Variants in RFC1 observed in about 807,000 individuals in gnomAD.
RFC1 encodes the protein A1 140 kDa subunit.
RFC1 carries 37 observed loss-of-function variants against 137.4 expected under a neutral mutation model. The observed-to-expected ratio is 0.27, with a 90% CI of 0.21 to 0.35. RFC1 has a LOEUF of 0.35. Ranked by LOEUF, RFC1 falls within the 10% of genes least tolerant of loss-of-function variation. The probability of loss-of-function intolerance (pLI) is 1.00; values close to 1 mark genes in which losing one functional copy is unlikely to be tolerated. For synonymous variants in RFC1, 429 were observed against 455.7 expected, an observed-to-expected ratio of 0.94 and a Z score of 0.75; for missense variants, 1,205 against 1,358.5, an observed-to-expected ratio of 0.89 and a Z score of 1.78.
chr4:39,366,121 C>T (rs1742014773), intron 1 of RFC1, 118 bp downstream of exon 1: 2 of 1,147,482 alleles, frequency 1.7e-6, no homozygotes, highest in Non-Finnish European at 1.2e-6. Context: ...CCTTTGCTAG[C>T]CTCCGGAACC....
At chr4:39,355,217 G>A (rs1443695431) in intron 1 of RFC1, among the ~76,000 whole-genome samples, 1 of 148,950 alleles carries the variant, frequency 6.7e-6, no homozygotes, top group Non-Finnish European at 1.5e-5. Flanking sequence ...GAGCCCAAGA[G>A]TTTAATACCA....
rs755074181 is a variant in RFC1 at position 39,312,886 on chromosome 4, C to T, written c.1249G>A (p.Val417Met). Residue 417 changes from valine (V) to methionine (M), a missense_variant, in exon 11 of 25, where the codon GTG (valine) becomes ATG (methionine). Val to Met is a conservative substitution (Grantham distance 21). Transcript: ENST00000349703. ...LEGLIFVITG[V>M]LESIERDEAK... ...TCATCTCGTTCAATAGACTCCAGCA[C>T]GCCTGTGATTACAAATATAAGGCCT... 15 of 1,613,948 alleles carry T rather than the reference C, an allele frequency of 9.3e-6. No individual in the cohort carries two copies. Among genetic ancestry groups the T allele is most frequent in the African/African-American group, 2.7e-5 (2 of 74,890 alleles).
rs780591988 is a variant in RFC1, at chr4:39,300,326, T to C, written c.2624A>G (p.His875Arg). The change falls in exon 20 of 25, where the codon CAT becomes CGT. Residue 875 changes from histidine (H) to arginine (R), a missense_variant. Around this residue, in one of 3 missense-constraint regions of RFC1, gnomAD observed 962 missense variants for 1,035.3 expected, o/e 0.93. Coordinates refer to ENST00000349703, the MANE Select transcript of RFC1 (RefSeq NM_002913.5). The part of the protein sequence containing the change: ...SLVDKSDLFF[H>R]DYSIAPLFVQ... The stretch of plus-strand genomic sequence containing the variant: ...GAAGAGGGGTGCTATTGAATAATCA[T>C]GAAAAAAGAGATCTGACTTGTCCAC... 5.0e-6 allele frequency: 8 copies of C among 1,613,980 alleles called. No homozygotes were observed. Among genetic ancestry groups the C allele is most frequent in the Admixed American group, 1.7e-5 (1 of 60,016 alleles).
chr4:39,346,126 G>T (rs912149637), intron 2 of RFC1, among the ~76,000 whole-genome samples: 1 of 152,194 alleles, frequency 6.6e-6, no homozygotes, highest in African/African-American at 2.4e-5. Context: ...TGAAACGACA[G>T]AAACAGGAAT....
chr4:39,350,699 G>C (rs1226128173), intron 2 of RFC1, among the ~76,000 whole-genome samples: 1 of 151,544 alleles, frequency 6.6e-6, no homozygotes, highest in Non-Finnish European at 1.5e-5. Flanking sequence ...ACTTATAGAG[G>C]TTTATCACCA....
chr4:39,356,702 A>C (rs943010024), intron 1 of RFC1, among the ~76,000 whole-genome samples: 3 of 152,320 alleles, frequency 2.0e-5, no homozygotes, highest in African/African-American at 7.2e-5. Context: ...TTGTGGCTAC[A>C]AAAAACAAAA....
chr4:39,365,520 AT>A, intron 1 of RFC1: 1 of 984,860 alleles, frequency 1.0e-6, no homozygotes, highest in Non-Finnish European at 1.2e-6. Context: ...TTGTTTGAAC[AT>A]TTTATCCAGA....
At chr4:39,305,122 T>TCATATA (rs1321509197) in intron 14 of RFC1, among the ~76,000 whole-genome samples, 194 bp from the exon 15 acceptor site, 2 of 152,210 alleles carry the variant, frequency 1.3e-5, no homozygotes, top group Admixed American at 1.3e-4. Flanking sequence ...TTTTAGAATA[T>TCATATA]CATATACATA....
intron 1 of RFC1, among the ~76,000 whole-genome samples, chr4:39,360,671 G>C (rs1160147627): frequency 6.6e-6 from 1 of 151,734 alleles, no homozygotes; most frequent in Non-Finnish European, 1.5e-5. Context: ...GGAAGCGGAG[G>C]TTGCAGTGAG....
chr4:39,356,383 G>C (rs1018552755), intron 1 of RFC1, among the ~76,000 whole-genome samples: 43 of 152,154 alleles, frequency 2.8e-4, no homozygotes, highest in Non-Finnish European at 5.3e-4. Context: ...TGGGGAAAAA[G>C]TGCAAAACTC....
intron 1 of RFC1, among the ~76,000 whole-genome samples, chr4:39,358,136 A>C (rs1741573994): frequency 6.6e-6 from 1 of 151,916 alleles, no homozygotes; most frequent in African/African-American, 2.4e-5. Flanking sequence ...ATAGCCAGGC[A>C]TGGTGGTGCA....
chr4:39,312,732 G>C lies in RFC1; in HGVS notation c.1383+20C>G. The stretch of plus-strand genomic sequence containing the variant: ...GGCAGGCAGGAGGTGTCATGGTGTT[G>C]AGAACAAAGCAGTACCCACCTTATC... On this transcript the variant is annotated intron_variant, in intron 11 of 24. Coordinates refer to ENST00000349703, the MANE Select transcript of RFC1 (RefSeq NM_002913.5). 1 of 1,602,824 alleles carries C rather than the reference G, an allele frequency of 6.2e-7. No individual in the cohort carries two copies. Among genetic ancestry groups the C allele is most frequent in the South Asian group, 1.1e-5 (1 of 89,174 alleles).
chr4:39,343,278 C>T (rs1375842494), intron 3 of RFC1, among the ~76,000 whole-genome samples: 6 of 152,210 alleles, frequency 3.9e-5, no homozygotes, highest in Admixed American at 2.0e-4. Flanking sequence ...CCACCTCAGC[C>T]TCCAAAAGTG....
intron 9 of RFC1, among the ~76,000 whole-genome samples, chr4:39,320,160 A>G (rs1178732799): frequency 2.0e-5 from 3 of 151,582 alleles, no homozygotes; most frequent in Non-Finnish European, 4.4e-5. Context: ...GACCAGCCTG[A>G]CCAACATGGA....
At position 39,287,714 on chromosome 4, in the gene RFC1, T is replaced by C. The variant is rs1737447659; in HGVS notation, c.*1047A>G. 6.6e-6 allele frequency: 1 copy of C among 152,188 alleles called. No homozygotes were observed. The highest frequency in any genetic ancestry group is 2.1e-4 in the South Asian group (1 of 4,814). The allele number at this position is 152,188 out of a possible 1,614,324, so 9.4% of individuals were successfully genotyped here. ...ACATCTAAATTCCAGGCTAGGTCCA[T>C]AGCCTCACGGCCACTCAACACATAC... On this transcript the variant is annotated 3_prime_UTR_variant, in exon 25 of 25. Coordinates refer to ENST00000349703, the MANE Select transcript of RFC1 (RefSeq NM_002913.5).
At chr4:39,358,695 G>A (rs1279461967) in intron 1 of RFC1, among the ~76,000 whole-genome samples, 2 of 152,118 alleles carry the variant, frequency 1.3e-5, no homozygotes, top group South Asian at 2.1e-4. Flanking sequence ...TTGTTTTTAT[G>A]CTTTTGTGGA....
intron 21 of RFC1, among the ~76,000 whole-genome samples, chr4:39,298,216 G>A (rs138009689): frequency 6.6e-6 from 1 of 151,234 alleles, no homozygotes; most frequent in Non-Finnish European, 1.5e-5. Flanking sequence ...GCTGAGGCGG[G>A]AGGATCACTT....
chr4:39,311,328 G>T, intron 12 of RFC1, 117 bp downstream of exon 12: 2 of 748,478 alleles, frequency 2.7e-6, no homozygotes, highest in South Asian at 1.8e-5. Flanking sequence ...TGGTCCATTT[G>T]TGGTAGACAG....
intron 1 of RFC1, among the ~76,000 whole-genome samples, chr4:39,357,931 C>T (rs777556045): frequency 2.0e-5 from 3 of 151,954 alleles, no homozygotes; most frequent in Non-Finnish European, 4.4e-5. Context: ...TTACAACTGA[C>T]TTCTGAGCCA....
Sources: gnomAD v4.1 joint callset for allele counts (sites outside exome capture counted in the v4.1 genomes callset) on GRCh38, gnomAD v4.1.1 for gene constraint, gnomAD v4.1.1 regional missense constraint, MANE v1.5 for transcripts, NCBI Gene and HGNC (gene_info 2026-07-23, HGNC 2026-07-21) for gene names.